Variants in XXYLT1 observed in about 807,000 individuals in gnomAD.
The protein encoded by XXYLT1 is xyloside xylosyltransferase 1, also known as UDP-xylose:alpha-xyloside alpha-1,3-xylosyltransferase.
XXYLT1 carries 20 observed loss-of-function variants against 28.9 expected under a neutral mutation model. That is an observed-to-expected ratio of 0.69 (90% CI 0.49 to 1.00). XXYLT1 has a LOEUF of 1.00. XXYLT1 is among the 50% of genes least tolerant of loss of function. XXYLT1 has a pLI of 0.00. For synonymous variants in XXYLT1, 257 were observed against 253.8 expected, an observed-to-expected ratio of 1.01 and a Z score of -0.12; for missense variants, 542 against 560.1, an observed-to-expected ratio of 0.97 and a Z score of 0.33.
In XXYLT1 at chr3:195,180,613, G is replaced by T; in HGVS notation, c.653-24032C>A. The stretch of plus-strand genomic sequence containing the variant: ...CCAGAGCGTGATGTGGCCCCGTCTG[G>T]CTAAGAGCACCAGACGGCGGTGGCT... On this transcript the variant is annotated intron_variant, in intron 2 of 3. Transcript: ENST00000310380. This position sits in a 1 kb window ranked among gnomAD's most constrained non-coding sequence, Gnocchi z 5.8. 1.0e-6 allele frequency: 1 copy of T among 955,676 alleles called. No homozygotes were observed. Among genetic ancestry groups the T allele is most frequent in the Non-Finnish European group, 1.2e-6 (1 of 802,734 alleles). 59.2% of individuals were successfully genotyped at this position (955,676 alleles called of 1,614,324 possible).
intron 3 of XXYLT1, among the ~76,000 whole-genome samples, chr3:195,096,396 G>A (rs937497093): frequency 2.0e-5 from 3 of 152,082 alleles, no homozygotes; most frequent in African/African-American, 7.2e-5. Context: ...TTCCCAGTGC[G>A]TCCCCAACAC....
At chr3:195,106,348 G>A (rs1438414225) in intron 3 of XXYLT1, among the ~76,000 whole-genome samples, 1 of 150,890 alleles carries the variant, frequency 6.6e-6, no homozygotes, top group Non-Finnish European at 1.5e-5. Flanking sequence ...TGTTTTTGAT[G>A]GAGAGATGCT....
chr3:195,241,286 T>C lies in XXYLT1; in HGVS notation c.505-14430A>G, dbSNP rs572776061. On this transcript the variant is annotated intron_variant, in intron 1 of 3. Coordinates refer to ENST00000310380, the MANE Select transcript of XXYLT1 (RefSeq NM_152531.5). ...CTGAGGCTGGTGGTTGGGGACACAA[T>C]AGACCCCACTATGGGCCCCACAGGA... Among the ~76,000 whole-genome samples the C allele has an allele frequency of 2.6e-5, 4 of 152,290 alleles. No homozygotes were observed. In the South Asian group the frequency reaches 6.2e-4, roughly 24 times the overall value.
intron 2 of XXYLT1, among the ~76,000 whole-genome samples, chr3:195,212,827 G>T (rs189974932): frequency 6.6e-6 from 1 of 152,138 alleles, no homozygotes; most frequent in South Asian, 2.1e-4. Flanking sequence ...GTTCTAAGGC[G>T]TTTAGGCCCA....
At chr3:195,253,503 C>CTTTTTTTTTTTT (rs1231480044) in intron 1 of XXYLT1, among the ~76,000 whole-genome samples, 1 of 130,256 alleles carries the variant, frequency 7.7e-6, no homozygotes, top group Non-Finnish European at 1.6e-5. Flanking sequence ...CTTTTTTTTT[C>CTTTTTTTTTTTT]TTTTTTTTTT....
At chr3:195,260,650 C>T (rs1232318985) in intron 1 of XXYLT1, among the ~76,000 whole-genome samples, 2 of 152,222 alleles carry the variant, frequency 1.3e-5, no homozygotes, top group South Asian at 2.1e-4. Context: ...TACCTCTCAA[C>T]CGACCCCTCC....
chr3:195,267,523 T>G (rs1445376960), intron 1 of XXYLT1, among the ~76,000 whole-genome samples: 2 of 152,198 alleles, frequency 1.3e-5, no homozygotes, highest in African/African-American at 4.8e-5. Flanking sequence ...AAATTCTAGT[T>G]TCCTTCTTCC....
At chr3:195,105,458 G>A (rs1717031288) in intron 3 of XXYLT1, among the ~76,000 whole-genome samples, 3 of 152,184 alleles carry the variant, frequency 2.0e-5, no homozygotes, top group Non-Finnish European at 4.4e-5. Context: ...TCATCATCTC[G>A]TCTGACTTAC....
intron 1 of XXYLT1, among the ~76,000 whole-genome samples, chr3:195,236,120 C>G (rs936573827): frequency 2.6e-5 from 4 of 152,164 alleles, no homozygotes; most frequent in African/African-American, 9.7e-5. Flanking sequence ...TCAATCAAGG[C>G]CCTAGGGCCC....
intron 2 of XXYLT1, among the ~76,000 whole-genome samples, chr3:195,160,908 T>C (rs1055501019): frequency 9.8e-5 from 15 of 152,348 alleles, no homozygotes; most frequent in South Asian, 8.3e-4. Context: ...GGGCTGGATG[T>C]TTCTCTGTCA....
rs1359864211 is a variant in XXYLT1, at chr3:195,195,835, C to T, written c.652+30874G>A. Reference sequence around the variant, plus strand: ...CCAGCCACACCTGCCATGGTCTAGACACAGTCCTGTTGCATTGAAGTATCC... The same window carrying T: ...CCAGCCACACCTGCCATGGTCTAGATACAGTCCTGTTGCATTGAAGTATCC... On this transcript the variant is annotated intron_variant, in intron 2 of 3. Transcript: ENST00000310380. This position sits in a 1 kb window ranked among gnomAD's most constrained non-coding sequence, Gnocchi z 4.4. 5.3e-5 allele frequency among the ~76,000 whole-genome samples: 8 copies of T among 152,200 alleles called. No homozygotes were observed. Among genetic ancestry groups the T allele is most frequent in the Non-Finnish European group, 1.0e-4 (7 of 68,030 alleles).
At chr3:195,269,910 A>C (rs1725961350) in intron 1 of XXYLT1, among the ~76,000 whole-genome samples, 1 of 152,220 alleles carries the variant, frequency 6.6e-6, no homozygotes. Flanking sequence ...GCCTGGGACA[A>C]GGCGGCCAGC....
chr3:195,111,977 T>C (rs952688717), intron 3 of XXYLT1, among the ~76,000 whole-genome samples: 3 of 152,210 alleles, frequency 2.0e-5, no homozygotes, highest in South Asian at 2.1e-4. Context: ...TGATTGCCTG[T>C]AAATGCCTCA....
At chr3:195,086,022 C>A (rs1206367844) in intron 3 of XXYLT1, 2 of 152,194 alleles carry the variant, frequency 1.3e-5, no homozygotes, top group Non-Finnish European at 2.9e-5. Flanking sequence ...CTGCCTGGGG[C>A]CTGTGGACAG....
At chr3:195,119,938 C>T (rs371254410) in intron 3 of XXYLT1, among the ~76,000 whole-genome samples, 3 of 50,140 alleles carry the variant, frequency 6.0e-5, no homozygotes, top group South Asian at 7.1e-4. Context: ...CTGGGCGGGG[C>T]GGGGGGAGCA....
intron 3 of XXYLT1, among the ~76,000 whole-genome samples, chr3:195,093,538 T>C (rs1488439504): frequency 1.3e-5 from 1 of 79,604 alleles, no homozygotes; most frequent in Non-Finnish European, 2.6e-5. Flanking sequence ...TGTGGGGTGG[T>C]GGGAGGGGGG....
chr3:195,250,589 C>A (rs1725214031), intron 1 of XXYLT1, among the ~76,000 whole-genome samples: 1 of 151,458 alleles, frequency 6.6e-6, no homozygotes, highest in Non-Finnish European at 1.5e-5. Flanking sequence ...AACACTGCAA[C>A]CACCCCCATA....
Position 195,110,657 on chromosome 3 carries a change from GTGT to G in XXYLT1, c.786-40549_786-40547del, listed in dbSNP as rs1446309048. ...TGTGTGATGTATAAGTGTGTGTGGT[GTGT>G]TGTGTGTGGTGTATGTGTGTGTGTG... On this transcript the variant is annotated intron_variant, in intron 3 of 3. Coordinates refer to ENST00000310380, the MANE Select transcript of XXYLT1 (RefSeq NM_152531.5). Among the ~76,000 whole-genome samples the G allele has an allele frequency of 2.9e-5, 3 of 103,818 alleles. 1 individual carries two copies. Among genetic ancestry groups the G allele is most frequent in the Non-Finnish European group, 4.4e-5 (2 of 45,516 alleles). 68.1% of individuals were successfully genotyped at this position (103,818 alleles called of 152,430 possible).
chr3:195,071,883 C>T (rs566940507), intron 3 of XXYLT1, among the ~76,000 whole-genome samples: 31 of 152,176 alleles, frequency 2.0e-4, no homozygotes, highest in South Asian at 1.9e-3. Flanking sequence ...GGGGTGGGAA[C>T]GAAGCGTTTA....
Sources: allele counts gnomAD v4.1 joint callset (sites outside exome capture counted in the v4.1 genomes callset), GRCh38; gene constraint gnomAD v4.1.1; non-coding constraint Gnocchi (gnomAD v3.1); transcripts MANE v1.5; gene names NCBI Gene and HGNC (gene_info 2026-07-23, HGNC 2026-07-21).